Variants in PFKP observed in about 807,000 individuals in gnomAD.
The protein encoded by PFKP is ATP-dependent 6-phosphofructokinase, platelet type.
A neutral mutation model predicts 94.3 loss-of-function variants in PFKP; 101 were observed. The ratio of observed to expected loss-of-function variants is 1.07; its 90% CI spans 0.91 to 1.26. PFKP has a LOEUF of 1.26. PFKP is among the 50% of genes most tolerant of loss of function. PFKP has a pLI of 0.00. For synonymous variants in PFKP, 573 were observed against 432.6 expected, an observed-to-expected ratio of 1.32 and a Z score of -4.03; for missense variants, 1,145 against 1,103.3, an observed-to-expected ratio of 1.04 and a Z score of -0.53.
chr10:3,123,731 A>T (rs568823383), intron 16 of PFKP, among the ~76,000 whole-genome samples: 2 of 152,396 alleles, frequency 1.3e-5, no homozygotes, highest in South Asian at 4.1e-4. Context: ...CTGAGGGGCC[A>T]CATCCTGGGC....
chr10:3,068,428 C>T (rs1457306188), intron 1 of PFKP, among the ~76,000 whole-genome samples: 2 of 152,156 alleles, frequency 1.3e-5, no homozygotes, highest in African/African-American at 2.4e-5. Flanking sequence ...CCTTCCGGCT[C>T]GTGACAAAAA....
At chr10:3,107,651 C>A in intron 8 of PFKP, 2 of 733,648 alleles carry the variant, frequency 2.7e-6, no homozygotes, top group Non-Finnish European at 1.7e-6. Flanking sequence ...GACCACTTGG[C>A]AGCCGACCCG....
intron 2 of PFKP, among the ~76,000 whole-genome samples, chr10:3,097,973 C>A (rs951001346): frequency 9.2e-5 from 14 of 152,174 alleles, no homozygotes; most frequent in African/African-American, 2.7e-4. Flanking sequence ...CGTGCCACTG[C>A]ACTCCAGCCT....
intron 2 of PFKP, among the ~76,000 whole-genome samples, chr10:3,094,973 A>C (rs987105640): frequency 6.6e-6 from 1 of 152,196 alleles, no homozygotes; most frequent in African/African-American, 2.4e-5. Context: ...TGATAACACT[A>C]TCTGGAAGGC....
chr10:3,110,206 A>T (rs1836038519), intron 10 of PFKP, among the ~76,000 whole-genome samples: 1 of 147,450 alleles, frequency 6.8e-6, no homozygotes, highest in Non-Finnish European at 1.5e-5. Context: ...TAATTAATTA[A>T]TTTATTTATT....
At position 3,118,794 on chromosome 10, in the gene PFKP, G is replaced by A. The variant is rs542061357; in HGVS notation, c.1455G>A (p.Gly485=). ...TGGCTATTTTCAGCGTTCTCCCGGG[G>A]AAGTACTTGGAAGAGATCGCCACAC... ...SILGTKRVLP[G]KYLEEIATQM... is the part of the protein sequence containing the mutation. The change falls in exon 15 of 22, where the codon GGG becomes GGA. Residue 485 remains glycine (G), a synonymous_variant. Coordinates refer to ENST00000381125, the MANE Select transcript of PFKP (RefSeq NM_002627.5). 4 of 1,613,408 alleles carry A rather than the reference G, an allele frequency of 2.5e-6. No individual in the cohort carries two copies. Among genetic ancestry groups the A allele is most frequent in the South Asian group, 2.2e-5 (2 of 90,952 alleles).
intron 20 of PFKP, among the ~76,000 whole-genome samples, chr10:3,134,808 A>G (rs1432032388): frequency 6.6e-6 from 1 of 152,258 alleles, no homozygotes; most frequent in African/African-American, 2.4e-5. Flanking sequence ...TATCACTGCT[A>G]GATGCAGTCT....
chr10:3,102,860 T>TGGAAGCAGCCAGGCCTC (rs1175290680), intron 4 of PFKP, among the ~76,000 whole-genome samples: 1 of 152,250 alleles, frequency 6.6e-6, no homozygotes, highest in Non-Finnish European at 1.5e-5. Flanking sequence ...GGCTGCCCGT[T>TGGAAGCAGCCAGGCCTC]GGAAGCAGCC....
intron 4 of PFKP, among the ~76,000 whole-genome samples, 177 bp downstream of exon 4, chr10:3,101,731 G>C (rs950836161): frequency 6.6e-6 from 1 of 152,236 alleles, no homozygotes; most frequent in Admixed American, 6.5e-5. Context: ...AAGAATGCTA[G>C]TAATTTAACC....
chr10:3,135,746 T>A lies in PFKP; in HGVS notation c.2133T>A (p.Phe711Leu). Reference protein sequence around the residue: ...LKEARGRGKKFTTDDSICVLG... With the variant: ...LKEARGRGKKLTTDDSICVLG... ...TAAAATCTTTTATAGGAAAAAAATT[T>A]ACCACCGATGATTCCATTTGTGTGC... The change falls in exon 21 of 22, where the codon TTT (phenylalanine) becomes TTA (leucine). Residue 711 changes from phenylalanine to leucine, a missense_variant. Physicochemically the swap from Phe to Leu is conservative, Grantham distance 22. Transcript: ENST00000381125. 6.2e-7 allele frequency: 1 copy of A among 1,608,302 alleles called. No homozygotes were observed. The highest frequency in any genetic ancestry group is 8.5e-7 in the Non-Finnish European group (1 of 1,175,630).
At chr10:3,108,369 G>A (rs1835842329) in intron 8 of PFKP, among the ~76,000 whole-genome samples, 1 of 152,108 alleles carries the variant, frequency 6.6e-6, no homozygotes, top group South Asian at 2.1e-4. Context: ...TACATTTTTT[G>A]TAAAATATAA....
intron 19 of PFKP, 132 bp downstream of exon 19, chr10:3,133,446 T>C (rs1838842144): frequency 4.4e-6 from 3 of 676,532 alleles, no homozygotes; most frequent in Non-Finnish European, 7.9e-6. Context: ...ATCTGAACTT[T>C]TTGAGACAGA....
chr10:3,092,730 C>G (rs1218504903), intron 2 of PFKP, among the ~76,000 whole-genome samples: 1 of 152,168 alleles, frequency 6.6e-6, no homozygotes, highest in Non-Finnish European at 1.5e-5. Flanking sequence ...ACCCTTCATT[C>G]TTCATTAGCC....
chr10:3,112,200 C>T, intron 10 of PFKP, 22 bp from the exon 11 acceptor site: 2 of 1,603,736 alleles, frequency 1.2e-6, no homozygotes, highest in Non-Finnish European at 8.5e-7. Flanking sequence ...ATTCTTTCTT[C>T]TTTTCATCAT....
chr10:3,113,546 G>T, intron 13 of PFKP, 28 bp downstream of exon 13: 2 of 1,605,802 alleles, frequency 1.2e-6, no homozygotes, highest in Non-Finnish European at 1.7e-6. Context: ...CCGTAGGCAG[G>T]CAGACACCCT....
chr10:3,108,105 G>A, intron 8 of PFKP: 1 of 997,776 alleles, frequency 1.0e-6, no homozygotes, highest in Non-Finnish European at 1.4e-6. Flanking sequence ...TAAAGTCCAG[G>A]CAAAGATTTT....
At chr10:3,129,656 G>A in intron 16 of PFKP, 163 bp from the exon 17 acceptor site, 1 of 734,430 alleles carries the variant, frequency 1.4e-6, no homozygotes, top group Non-Finnish European at 2.3e-6. Context: ...CCACTCCGAG[G>A]GCACATCCTG....
chr10:3,119,821 A>G, intron 15 of PFKP, 71 bp from the exon 16 acceptor site: 1 of 1,470,280 alleles, frequency 6.8e-7, no homozygotes, highest in Non-Finnish European at 9.4e-7. Flanking sequence ...TGGCGCTCCC[A>G]GCCTCTCCCA....
chr10:3,109,631 A>G (rs1486339748), intron 10 of PFKP, 151 bp downstream of exon 10: 11 of 916,580 alleles, frequency 1.2e-5, no homozygotes, highest in Non-Finnish European at 1.7e-5. Flanking sequence ...GTGGGGAGGG[A>G]GAAGGCTTAT....
Sources: gnomAD v4.1 joint callset for allele counts (sites outside exome capture counted in the v4.1 genomes callset) on GRCh38, gnomAD v4.1.1 for gene constraint, MANE v1.5 for transcripts, NCBI Gene and HGNC (gene_info 2026-07-23, HGNC 2026-07-21) for gene names.